RBFOX1: variants seen among roughly 807,000 people sequenced by gnomAD.
The protein encoded by RBFOX1 is RNA binding fox-1 homolog 1.
In RBFOX1, 8 loss-of-function variants were observed where a neutral mutation model predicts 57.7. The observed-to-expected ratio is 0.14, with a 90% CI of 0.08 to 0.25. RBFOX1 has a LOEUF of 0.25. Among genes scored for constraint, RBFOX1 ranks in the 10% least tolerant of loss-of-function variants. RBFOX1 has a pLI of 1.00. For synonymous variants in RBFOX1, 326 were observed against 222.4 expected, an observed-to-expected ratio of 1.47 and a Z score of -4.15; for missense variants, 611 against 548.5, an observed-to-expected ratio of 1.11 and a Z score of -1.14.
At chr16:6,902,387 C>A (rs932562695) in intron 3 of RBFOX1, among the ~76,000 whole-genome samples, 1 of 152,266 alleles carries the variant, frequency 6.6e-6, no homozygotes, top group South Asian at 2.1e-4. Context: ...CTGGAGCTAT[C>A]AAGAGGAAAG....
intron 3 of RBFOX1, among the ~76,000 whole-genome samples, chr16:7,008,389 A>G (rs1274166852): frequency 6.6e-6 from 1 of 151,950 alleles, no homozygotes; most frequent in Admixed American, 6.6e-5. Flanking sequence ...TAAAAATACA[A>G]AAATTAGCCA....
intron 1 of RBFOX1, among the ~76,000 whole-genome samples, chr16:6,084,328 C>T (rs527681032): frequency 4.6e-5 from 7 of 152,266 alleles, no homozygotes; most frequent in South Asian, 4.2e-4. Flanking sequence ...ACGGCAGCCT[C>T]GACCTCCCAG....
At chr16:5,704,382 G>A (rs539001290) in intron 3 of RBFOX1, among the ~76,000 whole-genome samples, 1 of 152,222 alleles carries the variant, frequency 6.6e-6, no homozygotes, top group African/African-American at 2.4e-5. Flanking sequence ...AGGGGCCCTG[G>A]GGGTCTGGGG....
chr16:5,988,641 G>C (rs899759832), intron 4 of RBFOX1, among the ~76,000 whole-genome samples: 2 of 152,180 alleles, frequency 1.3e-5, no homozygotes, highest in Non-Finnish European at 2.9e-5. Context: ...CTGTGAGCAC[G>C]TCCAAGACCT....
chr16:6,516,830 G>T (rs1227608358), intron 2 of RBFOX1, among the ~76,000 whole-genome samples: 2 of 152,120 alleles, frequency 1.3e-5, no homozygotes, highest in Admixed American at 6.6e-5. Context: ...CACAAAACCT[G>T]CCCAGGTGTG....
At chr16:7,407,195 C>G (rs904649344) in intron 4 of RBFOX1, among the ~76,000 whole-genome samples, 3 of 152,086 alleles carry the variant, frequency 2.0e-5, no homozygotes, top group Admixed American at 1.3e-4. Context: ...GATTTGTAGT[C>G]TTTGAATCAC....
chr16:6,910,936 C>T (rs553082593), intron 3 of RBFOX1, among the ~76,000 whole-genome samples: 2 of 152,244 alleles, frequency 1.3e-5, no homozygotes, highest in South Asian at 2.1e-4. Context: ...TGCAGAGGCT[C>T]ACACCTGTAA....
At chr16:7,245,955 C>A (rs984125053) in intron 4 of RBFOX1, among the ~76,000 whole-genome samples, 1 of 152,212 alleles carries the variant, frequency 6.6e-6, no homozygotes, top group South Asian at 2.1e-4. Flanking sequence ...ACAATTAGCC[C>A]ATCCCTGAAA....
At chr16:6,629,101 C>G (rs1055335456) in intron 2 of RBFOX1, among the ~76,000 whole-genome samples, 17 of 152,110 alleles carry the variant, frequency 1.1e-4, no homozygotes, top group African/African-American at 2.7e-4. Context: ...AGAGTACATA[C>G]TTTTGTGTGT....
At chr16:6,119,516 A>G (rs149420915) in intron 1 of RBFOX1, among the ~76,000 whole-genome samples, 7 of 152,328 alleles carry the variant, frequency 4.6e-5, no homozygotes, top group East Asian at 3.9e-4. Context: ...TGATGGCCCA[A>G]TGGTGATTTT....
intron 1 of RBFOX1, among the ~76,000 whole-genome samples, chr16:6,217,069 A>C (rs1369922336): frequency 6.6e-6 from 1 of 152,040 alleles, no homozygotes; most frequent in Non-Finnish European, 1.5e-5. Flanking sequence ...GCATCTTAAC[A>C]CAAAGCTTTG....
chr16:6,717,121 A>G (rs954695724), intron 3 of RBFOX1, among the ~76,000 whole-genome samples: 1 of 152,164 alleles, frequency 6.6e-6, no homozygotes, highest in East Asian at 1.9e-4. Context: ...TGGGATTCCT[A>G]GACTCTAGAA....
intron 4 of RBFOX1, among the ~76,000 whole-genome samples, chr16:7,096,025 A>AAAG (rs1555467709): frequency 5.4e-5 from 8 of 148,636 alleles, no homozygotes; most frequent in African/African-American, 2.0e-4. Context: ...AAAAAAAAAA[A>AAAG]AAAAGAAAAG....
chr16:5,859,439 G>C (rs1414950767), intron 3 of RBFOX1, among the ~76,000 whole-genome samples: 1 of 152,152 alleles, frequency 6.6e-6, no homozygotes, highest in Non-Finnish European at 1.5e-5. Context: ...TTTAAATAAG[G>C]AAACTGAGCC....
At position 7,506,098 on chromosome 16, in the gene RBFOX1, C is replaced by T. The variant is rs540370002; in HGVS notation, c.28-12049C>T. On this transcript the variant is annotated intron_variant, in intron 4 of 15. Coordinates refer to ENST00000550418, the MANE Select transcript of RBFOX1 (RefSeq NM_018723.4). ...TACTTGGGAGGCTGAGGCAGGAGAA[C>T]TGCTTGAACCCAGGAGGCGGAGTTT... Among the ~76,000 whole-genome samples the T allele has an allele frequency of 3.6e-5, 5 of 138,868 alleles. No individual in the cohort carries two copies. The East Asian group carries it at 1.1e-3, about 31-fold the overall frequency. The allele number at this position is 138,868 out of a possible 152,430, so 91.1% of individuals were successfully genotyped here. A position where few individuals can be genotyped will look rare whatever the true frequency, so the allele number is the denominator to read the frequency against.
chr16:6,692,232 G>A (rs2060303931), intron 3 of RBFOX1, among the ~76,000 whole-genome samples: 2 of 152,146 alleles, frequency 1.3e-5, no homozygotes, highest in Non-Finnish European at 2.9e-5. Flanking sequence ...CTAACTCAGT[G>A]ACCTCCCTGT....
intron 5 of RBFOX1, among the ~76,000 whole-genome samples, chr16:7,540,031 T>G (rs58837012): frequency 0.033 from 4,971 of 152,258 alleles, 228 homozygotes; most frequent in African/African-American, 0.11. Flanking sequence ...CCCTATAAAT[T>G]GTAGCTGCCA....
At chr16:6,498,941 C>G (rs188581767) in intron 2 of RBFOX1, among the ~76,000 whole-genome samples, 13 of 152,254 alleles carry the variant, frequency 8.5e-5, no homozygotes, top group African/African-American at 2.9e-4. Flanking sequence ...TGCCTTGGAG[C>G]CTTCTCCTCC....
intron 3 of RBFOX1, among the ~76,000 whole-genome samples, chr16:5,687,881 G>T (rs945532284): frequency 2.0e-4 from 30 of 152,000 alleles, no homozygotes; most frequent in Non-Finnish European, 7.4e-5. Flanking sequence ...CTGTGTACCA[G>T]CTTCATAAAC....
Sources: gnomAD v4.1 joint callset for allele counts (sites outside exome capture counted in the v4.1 genomes callset) on GRCh38, gnomAD v4.1.1 for gene constraint, MANE v1.5 for transcripts, NCBI Gene and HGNC (gene_info 2026-07-23, HGNC 2026-07-21) for gene names.